The following GDAP2 variants were observed in gnomAD, a reference collection of about 807,000 sequenced individuals.
GDAP2 encodes ganglioside-induced differentiation-associated protein 2.
Under a neutral mutation model 67.0 loss-of-function variants are expected in GDAP2, and 51 were observed. The ratio of observed to expected loss-of-function variants is 0.76; its 90% CI spans 0.61 to 0.96. GDAP2 has a LOEUF of 0.96. Ranked by LOEUF, GDAP2 falls within the 40% of genes least tolerant of loss-of-function variation. The probability of loss-of-function intolerance (pLI) is 0.00; values close to 1 mark genes in which losing one functional copy is unlikely to be tolerated. For synonymous variants in GDAP2, 203 were observed against 207.3 expected (o/e 0.98, Z 0.18); for missense variants, 547 against 588.3 (o/e 0.93, Z 0.73).
intron 1 of GDAP2, among the ~76,000 whole-genome samples, chr1:117,924,825 T>C (rs928045683): frequency 6.6e-6 from 1 of 152,224 alleles, no homozygotes; most frequent in East Asian, 1.9e-4. Flanking sequence ...ACAAGTTTTG[T>C]TGATCTGTTC....
At chr1:117,919,932 A>T (rs938894991) in intron 2 of GDAP2, among the ~76,000 whole-genome samples, 11 of 152,160 alleles carry the variant, frequency 7.2e-5, no homozygotes, top group Admixed American at 6.5e-4. Context: ...CAGAAAAAAA[A>T]ACTTTTGGAG....
chr1:117,916,864 T>C (rs531850492), intron 3 of GDAP2, among the ~76,000 whole-genome samples: 1 of 152,070 alleles, frequency 6.6e-6, no homozygotes, highest in South Asian at 2.1e-4. Context: ...TGAAACCCCA[T>C]CTTCACTAAA....
intron 6 of GDAP2, 106 bp downstream of exon 6, chr1:117,906,400 A>G (rs1649661166): frequency 1.5e-6 from 1 of 668,464 alleles, no homozygotes; most frequent in East Asian, 2.5e-5. Context: ...TACATAGATC[A>G]TTAGGATTTG....
Position 117,871,420 on chromosome 1 carries a change from T to C in GDAP2, c.1447-804A>G, listed in dbSNP as rs146133754. On this transcript the variant is annotated intron_variant, in intron 13 of 13. Transcript: ENST00000369443. ...ATTGCTTTCTCATTTTTAAGGAAAGTATTTCTTTGACAAAGAATTTGTTTT... is the reference window on the plus strand; with the variant it reads ...ATTGCTTTCTCATTTTTAAGGAAAGCATTTCTTTGACAAAGAATTTGTTTT... Among the ~76,000 whole-genome samples the C allele has an allele frequency of 3.1e-3, 466 of 152,344 alleles. 1 individual carries two copies. The highest frequency in any genetic ancestry group is 8.3e-3 in the Admixed American group (127 of 15,300).
At chr1:117,890,483 T>C (rs983022087) in intron 8 of GDAP2, among the ~76,000 whole-genome samples, 1 of 152,068 alleles carries the variant, frequency 6.6e-6, no homozygotes, top group African/African-American at 2.4e-5. Context: ...AACTCAGGTG[T>C]ACAAAATGGA....
At chr1:117,889,745 A>C (rs1649001573) in intron 8 of GDAP2, among the ~76,000 whole-genome samples, 1 of 152,134 alleles carries the variant, frequency 6.6e-6, no homozygotes, top group Non-Finnish European at 1.5e-5. Context: ...TATAGAGTTT[A>C]TTATGTTTTT....
intron 12 of GDAP2, 29 bp from the exon 13 acceptor site, chr1:117,878,181 A>G: frequency 8.0e-7 from 1 of 1,244,048 alleles, no homozygotes; most frequent in Non-Finnish European, 1.1e-6. Flanking sequence ...AAAATAATTT[A>G]AGCTAGTTGC....
chr1:117,899,224 A>G lies in GDAP2; in HGVS notation c.637-8T>C. 1 of 1,596,640 alleles carries G rather than the reference A, an allele frequency of 6.3e-7. No individual in the cohort carries two copies. Among genetic ancestry groups the G allele is most frequent in the Non-Finnish European group, 8.6e-7 (1 of 1,164,140 alleles). ...CAGCTTTTGGTAAGTACCCTGTGTC[A>G]GAAAAGCAAGACATTCTGTGAAAAA... is the stretch of plus-strand genomic sequence containing the variant. On this transcript the variant is annotated splice_region_variant and splice_polypyrimidine_tract_variant and intron_variant, in intron 6 of 13. Transcript: ENST00000369443.
intron 3 of GDAP2, chr1:117,913,372 C>A (rs1649929828): frequency 6.6e-6 from 1 of 151,868 alleles, no homozygotes; most frequent in Admixed American, 6.6e-5. Context: ...TGCAACAACC[C>A]CTCCCCCAGC....
chr1:117,873,088 ACTTAATGC>A, intron 13 of GDAP2, among the ~76,000 whole-genome samples: 1 of 152,198 alleles, frequency 6.6e-6, no homozygotes, highest in East Asian at 1.9e-4. Flanking sequence ...CAAGTTCAAT[ACTTAATGC>A]CATGAAATAG....
intron 1 of GDAP2, among the ~76,000 whole-genome samples, chr1:117,920,760 A>T (rs1268099099): frequency 6.6e-6 from 1 of 152,046 alleles, no homozygotes; most frequent in East Asian, 1.9e-4. Context: ...AAAGTAATAG[A>T]TGCTGCAAGA....
chr1:117,921,556 C>T (rs981127265), intron 1 of GDAP2, among the ~76,000 whole-genome samples: 1 of 152,088 alleles, frequency 6.6e-6, no homozygotes, highest in Admixed American at 6.6e-5. Flanking sequence ...TGGTATATTA[C>T]AGGAGGAGCA....
rs771644665 is a variant in GDAP2, at chr1:117,920,318, C to T, written c.40G>A (p.Asp14Asn). 4.4e-5 allele frequency: 70 copies of T among 1,607,254 alleles called. No individual in the cohort carries two copies. The South Asian group carries it at 6.0e-4, about 14-fold the overall frequency. Residue 14 changes from aspartate to asparagine, a missense_variant, in exon 2 of 14, where the codon GAT (aspartate) becomes AAT (asparagine). By Grantham distance (23) the Asp-to-Asn change is conservative. Coordinates refer to ENST00000369443, the MANE Select transcript of GDAP2 (RefSeq NM_017686.4). The stretch of plus-strand genomic sequence containing the variant: ...GAGTCACCCCAGCTTGGTAGTGTAT[C>T]CACATCCACAAACTGGGAAGGTGCA... Reference protein sequence around the residue: ...LGAPSQFVDVDTLPSWGDSCQ... With the variant: ...LGAPSQFVDVNTLPSWGDSCQ...
At chr1:117,924,502 G>A (rs915766798) in intron 1 of GDAP2, among the ~76,000 whole-genome samples, 3 of 152,146 alleles carry the variant, frequency 2.0e-5, no homozygotes, top group African/African-American at 4.8e-5. Context: ...TGGTTTTCAC[G>A]TTTGTTGTCA....
At chr1:117,896,804 T>C (rs1274979062) in intron 8 of GDAP2, 29 bp downstream of exon 8, 1 of 1,542,740 alleles carries the variant, frequency 6.5e-7, no homozygotes, top group Non-Finnish European at 8.8e-7. Flanking sequence ...TGTCCTTATG[T>C]ATCTAACAGT....
chr1:117,908,975 C>G (rs1002471453), intron 5 of GDAP2, among the ~76,000 whole-genome samples: 7 of 151,982 alleles, frequency 4.6e-5, no homozygotes, highest in Non-Finnish European at 7.4e-5. Flanking sequence ...AAATAGCAAC[C>G]AAATTGAATT....
At position 117,880,564 on chromosome 1, in the gene GDAP2, T is replaced by C. The variant is rs151268997; in HGVS notation, c.1302+1259A>G. On this transcript the variant is annotated intron_variant, in intron 12 of 13. Transcript: ENST00000369443. ...AAATAGATCTTAGCATTTTTAAAAG[T>C]TGGTAGATAATTTGGATCCAGCAAA... is the stretch of plus-strand genomic sequence containing the variant. Among the ~76,000 whole-genome samples, 142 of 152,174 alleles carry C rather than the reference T, an allele frequency of 9.3e-4. No homozygotes were observed. In the East Asian group the frequency reaches 0.026, roughly 28 times the overall value.
chr1:117,888,170 A>G (rs1195222406), intron 8 of GDAP2, among the ~76,000 whole-genome samples: 1 of 152,210 alleles, frequency 6.6e-6, no homozygotes. Flanking sequence ...CTCAACAAGG[A>G]TTTGAGTGCT....
chr1:117,877,790 C>T (rs1648514708), intron 13 of GDAP2: 2 of 1,248,734 alleles, frequency 1.6e-6, no homozygotes, highest in South Asian at 3.3e-5. Flanking sequence ...GAGAGATCTC[C>T]CACTGAAACG....
Sources: allele counts gnomAD v4.1 joint callset (sites outside exome capture counted in the v4.1 genomes callset), GRCh38; gene constraint gnomAD v4.1.1; transcripts MANE v1.5; gene names NCBI Gene and HGNC (gene_info 2026-07-23, HGNC 2026-07-21).